PLCG1: variants seen among roughly 807,000 people sequenced by gnomAD.
PLCG1 encodes phospholipase C gamma 1.
A neutral mutation model predicts 177.8 loss-of-function variants in PLCG1; 71 were observed. The observed-to-expected ratio is 0.40, with a 90% CI of 0.33 to 0.49. The LOEUF is 0.49. PLCG1 is among the 20% of genes least tolerant of loss of function. The pLI, the probability that PLCG1 is intolerant of heterozygous loss-of-function variation, is 0.72. For missense variants in PLCG1, 1,281 were observed against 1,709.0 expected (o/e 0.75, Z 4.42); for synonymous variants, 658 against 647.9 (o/e 1.02, Z -0.24).
chr20:41,165,224 C>A lies in PLCG1; in HGVS notation c.1387-21C>A. On this transcript the variant is annotated intron_variant, in intron 13 of 31. Coordinates refer to ENST00000685551, the MANE Select transcript of PLCG1 (RefSeq NM_002660.3). The surrounding 1 kb of genome is among the most constrained non-coding windows in gnomAD (Gnocchi z 6.6). ...GGTGAGGACTGGGGTCTGCATTGCC[C>A]TGTTCTGGTTGCCCCTACAGCACAA... The A allele has an allele frequency of 2.5e-6, 4 of 1,613,630 alleles. No homozygotes were observed. Among genetic ancestry groups the A allele is most frequent in the Non-Finnish European group, 3.4e-6 (4 of 1,179,780 alleles).
rs1003152003 is a variant in PLCG1 at position 41,166,968 on chromosome 20, C to T, written c.2301+109C>T. 107 of 1,057,544 alleles carry T rather than the reference C, an allele frequency of 1.0e-4. No homozygotes were observed. In the African/African-American group the frequency reaches 1.1e-3, roughly 11 times the overall value. 65.5% of individuals were successfully genotyped at this position (1,057,544 alleles called of 1,614,324 possible). ...CAAGACCTGGTGTGTTGTAGAAGTT[C>T]GTGGGAGGGCCCCTGACTCCAGCTG... is the stretch of plus-strand genomic sequence containing the variant. On this transcript the variant is annotated intron_variant, in intron 19 of 31. Transcript: ENST00000685551. This position sits in a 1 kb window ranked among gnomAD's most constrained non-coding sequence, Gnocchi z 8.6.
In PLCG1 at chr20:41,163,556, C is replaced by A; in HGVS notation, c.891+77C>A. 8.6e-7 allele frequency: 1 copy of A among 1,168,468 alleles called. No individual in the cohort carries two copies. The highest frequency in any genetic ancestry group is 1.3e-6 in the Non-Finnish European group (1 of 780,024). 72.4% of individuals were successfully genotyped at this position (1,168,468 alleles called of 1,614,324 possible). A position where few individuals can be genotyped will look rare whatever the true frequency, so the allele number is the denominator to read the frequency against. ...CAGGACCCCACCCGGGCTCCAGGAG[C>A]TAGACGCTCCTTAGGGATGCCACCT... On this transcript the variant is annotated intron_variant, in intron 9 of 31. Coordinates refer to ENST00000685551, the MANE Select transcript of PLCG1 (RefSeq NM_002660.3). This position sits in a 1 kb window ranked among gnomAD's most constrained non-coding sequence, Gnocchi z 5.2.
Position 41,167,545 on chromosome 20 carries a change from T to G in PLCG1, c.2302-307T>G. Reference sequence around the variant, plus strand: ...CAAGCCACTGAACTAAAGCACTGAATATGGGTAGTCTGTGAAGGGCCCACC... The same window carrying G: ...CAAGCCACTGAACTAAAGCACTGAAGATGGGTAGTCTGTGAAGGGCCCACC... On this transcript the variant is annotated intron_variant, in intron 19 of 31. Transcript: ENST00000685551. This position sits in a 1 kb window ranked among gnomAD's most constrained non-coding sequence, Gnocchi z 4.4. The G allele has an allele frequency of 1.1e-5, 4 of 367,682 alleles. No individual in the cohort carries two copies. Among genetic ancestry groups the G allele is most frequent in the South Asian group, 3.2e-5 (1 of 30,978 alleles). The allele number at this position is 367,682 out of a possible 1,614,324, so 22.8% of individuals were successfully genotyped here.
chr20:41,172,173 G>T lies in PLCG1; in HGVS notation c.2809-20G>T. ...GCAGGGCTGTAGCCTGGGGCTACAG[G>T]GCCTTGTGTGTGTCACCAGCTCACT... On this transcript the variant is annotated intron_variant, in intron 24 of 31. Transcript: ENST00000685551. The surrounding 1 kb of genome is among the most constrained non-coding windows in gnomAD (Gnocchi z 7.0). 1 of 1,589,856 alleles carries T rather than the reference G, an allele frequency of 6.3e-7. No individual in the cohort carries two copies. Among genetic ancestry groups the T allele is most frequent in the Non-Finnish European group, 8.6e-7 (1 of 1,157,826 alleles).
chr20:41,158,283 T>C (rs1386464902), intron 1 of PLCG1, among the ~76,000 whole-genome samples: 1 of 152,136 alleles, frequency 6.6e-6, no homozygotes, highest in Non-Finnish European at 1.5e-5. Flanking sequence ...GGGTGGGGGC[T>C]GGCCAGGCAA....
At position 41,166,850 on chromosome 20, in the gene PLCG1, T is replaced by G. The variant is rs2035712638; in HGVS notation, c.2292T>G (p.Ile764Met). 6.2e-7 allele frequency: 1 copy of G among 1,613,978 alleles called. No individual in the cohort carries two copies. The highest frequency in any genetic ancestry group is 2.2e-5 in the East Asian group (1 of 44,868). The part of the protein sequence containing the change: ...YPINEEALEK[I>M]GTAEPDYGAL... ...TCAACGAGGAGGCACTGGAGAAGAT[T>G]GGCACAGCTGTGAGGGGGCTGTGGT... Residue 764 changes from isoleucine (I) to methionine (M), a missense_variant, in exon 19 of 32, where the codon ATT (isoleucine) becomes ATG (methionine). By Grantham distance (10) the Ile-to-Met change is conservative. Coordinates refer to ENST00000685551, the MANE Select transcript of PLCG1 (RefSeq NM_002660.3). The surrounding 1 kb of genome is among the most constrained non-coding windows in gnomAD (Gnocchi z 8.6).
rs531131168 is a variant in PLCG1, at chr20:41,149,653, A to G, written c.218-9953A>G. 5.3e-5 allele frequency among the ~76,000 whole-genome samples: 8 copies of G among 152,328 alleles called. No individual in the cohort carries two copies. The East Asian group carries it at 7.7e-4, about 15-fold the overall frequency. On this transcript the variant is annotated intron_variant, in intron 1 of 31. Coordinates refer to ENST00000685551, the MANE Select transcript of PLCG1 (RefSeq NM_002660.3). The stretch of plus-strand genomic sequence containing the variant: ...AGACCTGTTTGTGAATTATCTGTAC[A>G]TAGGAGGTAATTAAGGGTGTGGGCA...
At chr20:41,141,667 T>C (rs1384850220) in intron 1 of PLCG1, among the ~76,000 whole-genome samples, 1 of 152,256 alleles carries the variant, frequency 6.6e-6, no homozygotes, top group Non-Finnish European at 1.5e-5. Context: ...ATTTCCTGTC[T>C]GATGTAGTTT....
chr20:41,172,102 T>C lies in PLCG1; in HGVS notation c.2809-91T>C. 4 of 924,442 alleles carry C rather than the reference T, an allele frequency of 4.3e-6. No homozygotes were observed. The South Asian group carries it at 5.2e-5, about 12-fold the overall frequency. 57.3% of individuals were successfully genotyped at this position (924,442 alleles called of 1,614,324 possible). On this transcript the variant is annotated intron_variant, in intron 24 of 31. Transcript: ENST00000685551. The surrounding 1 kb of genome is among the most constrained non-coding windows in gnomAD (Gnocchi z 7.0). ...AGGTGGGAGAGGGGCCCAGAGCACC[T>C]GCAGTGTGGGCATGCCCAAGGTTGG... is the stretch of plus-strand genomic sequence containing the variant.
chr20:41,164,839 C>T lies in PLCG1; in HGVS notation c.1218-94C>T. On this transcript the variant is annotated intron_variant, in intron 12 of 31. Coordinates refer to ENST00000685551, the MANE Select transcript of PLCG1 (RefSeq NM_002660.3). The surrounding 1 kb of genome is among the most constrained non-coding windows in gnomAD (Gnocchi z 6.4). ...ATAGTTTTTACAGACAAGAAGCCCC[C>T]AGGCCCTTGGCTTCCAACAGCTCAC... is the stretch of plus-strand genomic sequence containing the variant. The T allele has an allele frequency of 2.4e-6, 3 of 1,261,596 alleles. No individual in the cohort carries two copies. The highest frequency in any genetic ancestry group is 3.4e-6 in the Non-Finnish European group (3 of 895,286). The allele number at this position is 1,261,596 out of a possible 1,614,324, so 78.2% of individuals were successfully genotyped here.
Position 41,174,526 on chromosome 20 carries a change from T to A in PLCG1, c.*17T>A. On this transcript the variant is annotated 3_prime_UTR_variant, in exon 32 of 32. Coordinates refer to ENST00000685551, the MANE Select transcript of PLCG1 (RefSeq NM_002660.3). The surrounding 1 kb of genome is among the most constrained non-coding windows in gnomAD (Gnocchi z 5.8). ...CGCCTCTAGTTGTACCCCAGCCTCGTTGGAGAGCAGCAGGTGCTGTGCGCC... is the reference window on the plus strand; with the variant it reads ...CGCCTCTAGTTGTACCCCAGCCTCGATGGAGAGCAGCAGGTGCTGTGCGCC... The A allele has an allele frequency of 1.3e-6, 2 of 1,577,590 alleles. No individual in the cohort carries two copies. Among genetic ancestry groups the A allele is most frequent in the East Asian group, 4.7e-5 (2 of 43,000 alleles).
chr20:41,154,332 G>C (rs921084226), intron 1 of PLCG1, among the ~76,000 whole-genome samples: 13 of 152,228 alleles, frequency 8.5e-5, no homozygotes, highest in Non-Finnish European at 1.8e-4. Flanking sequence ...GTCTAATTTA[G>C]GGTCTTGGAT....
At chr20:41,170,016 G>T (rs894323236) in intron 23 of PLCG1, 96 bp from the exon 24 acceptor site, 32 of 1,119,688 alleles carry the variant, frequency 2.9e-5, no homozygotes, top group Non-Finnish European at 4.1e-5. Flanking sequence ...GAAATGGGAT[G>T]AGATAGAACT....
chr20:41,152,781 G>A (rs188870012), intron 1 of PLCG1, among the ~76,000 whole-genome samples: 2 of 152,392 alleles, frequency 1.3e-5, no homozygotes, highest in Admixed American at 1.3e-4. Context: ...AAGACACCAG[G>A]GAAGCACCAG....
rs538426381 is a variant in PLCG1, at chr20:41,151,138, C to A, written c.218-8468C>A. ...TCCTTCCTTTGGATTCTGTTCTTACCTCTGAAATAGGTGAGATTAATTTAG... is the reference window on the plus strand; with the variant it reads ...TCCTTCCTTTGGATTCTGTTCTTACATCTGAAATAGGTGAGATTAATTTAG... On this transcript the variant is annotated intron_variant, in intron 1 of 31. Transcript: ENST00000685551. The surrounding 1 kb of genome is among the most constrained non-coding windows in gnomAD (Gnocchi z 5.5). Among the ~76,000 whole-genome samples the A allele has an allele frequency of 6.6e-6, 1 of 152,100 alleles. No individual in the cohort carries two copies. The highest frequency in any genetic ancestry group is 1.5e-5 in the Non-Finnish European group (1 of 68,016).
chr20:41,172,996 G>C lies in PLCG1; in HGVS notation c.3279+119G>C, dbSNP rs2035951318. On this transcript the variant is annotated intron_variant, in intron 27 of 31. Transcript: ENST00000685551. This position sits in a 1 kb window ranked among gnomAD's most constrained non-coding sequence, Gnocchi z 7.0. Reference sequence around the variant, plus strand: ...GGCATCAAGGTGGTCAGGGTGGGTGGGGCCTGAGCTGAGTCTTTGAAGGGG... The same window carrying C: ...GGCATCAAGGTGGTCAGGGTGGGTGCGGCCTGAGCTGAGTCTTTGAAGGGG... The C allele has an allele frequency of 5.8e-6, 6 of 1,034,474 alleles. No homozygotes were observed. The highest frequency in any genetic ancestry group is 2.4e-5 in the Admixed American group (1 of 42,026). 64.1% of individuals were successfully genotyped at this position (1,034,474 alleles called of 1,614,324 possible).
chr20:41,147,179 T>A lies in PLCG1; in HGVS notation c.217+9321T>A, dbSNP rs2035021889. Among the ~76,000 whole-genome samples the A allele has an allele frequency of 6.6e-6, 1 of 152,252 alleles. No individual in the cohort carries two copies. The highest frequency in any genetic ancestry group is 2.1e-4 in the South Asian group (1 of 4,836). On this transcript the variant is annotated intron_variant, in intron 1 of 31. Coordinates refer to ENST00000685551, the MANE Select transcript of PLCG1 (RefSeq NM_002660.3). The surrounding 1 kb of genome is among the most constrained non-coding windows in gnomAD (Gnocchi z 4.0). ...GTAATTGAGTATAATGTGCCTGTGT[T>A]AGCTTGTCCATCCTAACTGGGACTG...
At position 41,166,664 on chromosome 20, in the gene PLCG1, T is replaced by G; in HGVS notation, c.2121-15T>G. ...AGCTGCCCTGACCCTGTGTGACTGT[T>G]TTGTCCTTGTGAAGGGCTGAGGGCA... is the stretch of plus-strand genomic sequence containing the variant. On this transcript the variant is annotated splice_polypyrimidine_tract_variant and intron_variant, in intron 18 of 31. Coordinates refer to ENST00000685551, the MANE Select transcript of PLCG1 (RefSeq NM_002660.3). The surrounding 1 kb of genome is among the most constrained non-coding windows in gnomAD (Gnocchi z 8.6). 1 of 1,614,094 alleles carries G rather than the reference T, an allele frequency of 6.2e-7. No individual in the cohort carries two copies. Among genetic ancestry groups the G allele is most frequent in the Non-Finnish European group, 8.5e-7 (1 of 1,180,002 alleles).
In PLCG1 at chr20:41,148,132, C is replaced by G. The variant is rs912609760; in HGVS notation, c.217+10274C>G. On this transcript the variant is annotated intron_variant, in intron 1 of 31. Transcript: ENST00000685551. This position sits in a 1 kb window ranked among gnomAD's most constrained non-coding sequence, Gnocchi z 4.3. The stretch of plus-strand genomic sequence containing the variant: ...AAGCAGGCCTCTGACCTGACGACTT[C>G]CGGTCATTATTTAGAACGTCTCCAG... Among the ~76,000 whole-genome samples, 4 of 152,166 alleles carry G rather than the reference C, an allele frequency of 2.6e-5. No individual in the cohort carries two copies. In the South Asian group the frequency reaches 8.3e-4, roughly 32 times the overall value.
Sources: gnomAD v4.1 joint callset for allele counts (sites outside exome capture counted in the v4.1 genomes callset) on GRCh38, gnomAD v4.1.1 for gene constraint, Gnocchi (gnomAD v3.1) non-coding constraint, MANE v1.5 for transcripts, NCBI Gene and HGNC (gene_info 2026-07-23, HGNC 2026-07-21) for gene names.